Variants in SRGAP3 observed in about 807,000 individuals in gnomAD.
SRGAP3 encodes SLIT-ROBO Rho GTPase activating protein 3, also known as SLIT-ROBO Rho GTPase-activating protein 3.
Under a neutral mutation model 121.1 loss-of-function variants are expected in SRGAP3, and 39 were observed. The ratio of observed to expected loss-of-function variants is 0.32; its 90% CI spans 0.25 to 0.42. The LOEUF is 0.42. Ranked by LOEUF, SRGAP3 falls within the 10% of genes least tolerant of loss-of-function variation. SRGAP3 has a pLI of 1.00. For missense variants in SRGAP3, 1,213 were observed against 1,470.6 expected (o/e 0.82, Z 2.86); for synonymous variants, 601 against 570.0 (o/e 1.05, Z -0.77).
intron 1 of SRGAP3, among the ~76,000 whole-genome samples, chr3:9,170,684 C>T (rs1320914586): frequency 2.0e-5 from 3 of 152,238 alleles, no homozygotes; most frequent in African/African-American, 7.2e-5. Flanking sequence ...TCTGCACCTT[C>T]GCCCAGCGAG....
At chr3:9,215,623 A>T (rs1241461035) in intron 1 of SRGAP3, among the ~76,000 whole-genome samples, 1 of 152,236 alleles carries the variant, frequency 6.6e-6, no homozygotes. Context: ...AGTAAGGAAG[A>T]TCACTCATGT....
At chr3:9,160,674 T>C (rs1950574637) in intron 1 of SRGAP3, among the ~76,000 whole-genome samples, 1 of 152,226 alleles carries the variant, frequency 6.6e-6, no homozygotes, top group Non-Finnish European at 1.5e-5. Flanking sequence ...TGTTTTAAAC[T>C]GGTACATTTT....
intron 18 of SRGAP3, among the ~76,000 whole-genome samples, chr3:9,000,961 GAAATTAAGCTAGTAT>G (rs928944738): frequency 1.3e-5 from 2 of 152,162 alleles, no homozygotes; most frequent in African/African-American, 4.8e-5. Flanking sequence ...ATATGTCACT[GAAATTAAGCTAGTAT>G]AAATAGAAGC....
At chr3:8,996,782 G>A (rs1399785963) in intron 18 of SRGAP3, among the ~76,000 whole-genome samples, 1 of 152,246 alleles carries the variant, frequency 6.6e-6, no homozygotes, top group East Asian at 1.9e-4. Context: ...GCAAGGGCAG[G>A]AGCTGAGCCC....
intron 2 of SRGAP3, among the ~76,000 whole-genome samples, chr3:9,122,713 A>G (rs1949059559): frequency 6.6e-6 from 1 of 151,724 alleles, no homozygotes; most frequent in Non-Finnish European, 1.5e-5. Flanking sequence ...CGTCTCAAAA[A>G]AAAAAAAAAA....
intron 1 of SRGAP3, among the ~76,000 whole-genome samples, chr3:9,346,060 A>G (rs532959597): frequency 1.3e-5 from 2 of 152,314 alleles, no homozygotes; most frequent in Non-Finnish European, 2.9e-5. Flanking sequence ...AAAATTTTAT[A>G]TTCACAAAAA....
At chr3:9,150,393 T>C (rs1950176969) in intron 1 of SRGAP3, among the ~76,000 whole-genome samples, 1 of 151,682 alleles carries the variant, frequency 6.6e-6, no homozygotes, top group Non-Finnish European at 1.5e-5. Context: ...GAAGACCCAA[T>C]CTTCATCCCA....
chr3:9,222,573 T>C (rs549099678), intron 1 of SRGAP3, among the ~76,000 whole-genome samples: 1 of 152,398 alleles, frequency 6.6e-6, no homozygotes, highest in South Asian at 2.1e-4. Context: ...TTGCTGATTC[T>C]ATTAATGATT....
chr3:9,269,005 G>A (rs147428132), intron 3 of SRGAP3, among the ~76,000 whole-genome samples: 3 of 152,272 alleles, frequency 2.0e-5, no homozygotes, highest in Non-Finnish European at 4.4e-5. Flanking sequence ...GTGGAAAGAC[G>A]GCAGAATTTG....
chr3:9,030,192 T>TGAAA (rs1216591733), intron 12 of SRGAP3, among the ~76,000 whole-genome samples: 1 of 151,110 alleles, frequency 6.6e-6, no homozygotes, highest in African/African-American at 2.4e-5. Flanking sequence ...AATGAATGAA[T>TGAAA]GAAATAGTAT....
At chr3:9,091,126 A>G (rs1012989502) in intron 3 of SRGAP3, among the ~76,000 whole-genome samples, 4 of 152,016 alleles carry the variant, frequency 2.6e-5, no homozygotes, top group African/African-American at 7.3e-5. Flanking sequence ...ATTTCTCCCA[A>G]TGACACCATC....
intron 3 of SRGAP3, among the ~76,000 whole-genome samples, chr3:9,082,926 C>T (rs1947307783): frequency 6.6e-6 from 1 of 152,190 alleles, no homozygotes; most frequent in Admixed American, 6.5e-5. Context: ...CCTTAACAGA[C>T]AGCAGAAACC....
At chr3:8,991,931 A>C (rs1022713941) in intron 20 of SRGAP3, among the ~76,000 whole-genome samples, 2 of 152,192 alleles carry the variant, frequency 1.3e-5, no homozygotes, top group Non-Finnish European at 2.9e-5. Context: ...GGGACAAGGG[A>C]GAGGAAAAGA....
At chr3:9,012,962 G>A (rs1483445602) in intron 17 of SRGAP3, among the ~76,000 whole-genome samples, 1 of 152,102 alleles carries the variant, frequency 6.6e-6, no homozygotes, top group African/African-American at 2.4e-5. Context: ...ACAGAATCAA[G>A]CAGGGCCAAG....
At chr3:9,316,614 C>T (rs1338244409) in intron 3 of SRGAP3, among the ~76,000 whole-genome samples, 1 of 151,882 alleles carries the variant, frequency 6.6e-6, no homozygotes, top group African/African-American at 2.4e-5. Context: ...GAGCTGAGAT[C>T]GCACCACTGC....
intron 1 of SRGAP3, among the ~76,000 whole-genome samples, chr3:9,205,737 T>C (rs1952243556): frequency 6.6e-6 from 1 of 152,340 alleles, no homozygotes; most frequent in East Asian, 1.9e-4. Flanking sequence ...CAAATGCCCA[T>C]CATAGATAAA....
chr3:9,279,673 C>A (rs2125264620), intron 3 of SRGAP3, among the ~76,000 whole-genome samples: 1 of 151,980 alleles, frequency 6.6e-6, no homozygotes, highest in South Asian at 2.1e-4. Context: ...ACCACCACAC[C>A]CAGCTAATTT....
intron 5 of SRGAP3, among the ~76,000 whole-genome samples, chr3:9,060,884 A>G (rs1425493296): frequency 6.6e-6 from 1 of 152,156 alleles, no homozygotes; most frequent in Non-Finnish European, 1.5e-5. Flanking sequence ...GCACCTGCAC[A>G]GCCGATGAGG....
chr3:9,081,712 G>A (rs1339341390), intron 3 of SRGAP3, among the ~76,000 whole-genome samples: 1 of 152,170 alleles, frequency 6.6e-6, no homozygotes, highest in African/African-American at 2.4e-5. Flanking sequence ...TGGCTTTCAT[G>A]ATATTTAAGG....
Sources: gnomAD v4.1 joint callset for allele counts (sites outside exome capture counted in the v4.1 genomes callset) on GRCh38, gnomAD v4.1.1 for gene constraint, MANE v1.5 for transcripts, NCBI Gene and HGNC (gene_info 2026-07-23, HGNC 2026-07-21) for gene names.